CYP4F8: variants seen among roughly 807,000 people sequenced by gnomAD.
CYP4F8 encodes the protein cytochrome P450 family 4 subfamily F member 8, also known as cytochrome P450 4F8.
CYP4F8 carries 56 observed loss-of-function variants against 55.0 expected under a neutral mutation model. That is an observed-to-expected ratio of 1.02 (90% CI 0.82 to 1.27). The LOEUF is 1.27. Ranked by LOEUF, CYP4F8 falls within the 50% of genes most tolerant of loss-of-function variation. CYP4F8 has a pLI of 0.00. For synonymous variants in CYP4F8, 288 were observed against 267.3 expected (o/e 1.08, Z -0.76); for missense variants, 680 against 682.4 (o/e 1.00, Z 0.04).
chr19:15,620,547 T>G (rs1171531773), intron 5 of CYP4F8, among the ~76,000 whole-genome samples: 1 of 152,092 alleles, frequency 6.6e-6, no homozygotes, highest in African/African-American at 2.4e-5. Flanking sequence ...CCCACCACCA[T>G]GCCCAACTAA....
At chr19:15,617,890 C>T in intron 2 of CYP4F8, 110 bp from the exon 3 acceptor site, 8 of 1,367,540 alleles carry the variant, frequency 5.8e-6, no homozygotes, top group Non-Finnish European at 7.9e-6. Context: ...CTAATCTCTC[C>T]TGAAACACTC....
intron 1 of CYP4F8, 143 bp from the exon 2 acceptor site, chr19:15,615,473 C>A: frequency 1.1e-6 from 1 of 900,540 alleles, no homozygotes; most frequent in East Asian, 2.9e-5. Context: ...CTTCTCCTCT[C>A]CCCTCTCCCT....
intron 12 of CYP4F8, 81 bp from the exon 13 acceptor site, chr19:15,629,112 G>C (rs1043546887): frequency 6.7e-7 from 1 of 1,490,986 alleles, no homozygotes; most frequent in African/African-American, 1.4e-5. Flanking sequence ...GTGGGGTTGG[G>C]GGTTCCGGGC....
At chr19:15,616,986 G>A (rs558587467) in intron 2 of CYP4F8, among the ~76,000 whole-genome samples, 272 of 152,296 alleles carry the variant, frequency 1.8e-3, no homozygotes, top group African/African-American at 6.3e-3. Context: ...GACAGTTAGA[G>A]CCACCTCTTC....
chr19:15,620,538 C>A (rs1035843839), intron 5 of CYP4F8, among the ~76,000 whole-genome samples: 1 of 152,072 alleles, frequency 6.6e-6, no homozygotes, highest in Non-Finnish European at 1.5e-5. Flanking sequence ...TTACAGGCGC[C>A]CACCACCATG....
intron 9 of CYP4F8, 40 bp downstream of exon 9, chr19:15,624,134 T>A: frequency 6.2e-7 from 1 of 1,602,948 alleles, no homozygotes; most frequent in Non-Finnish European, 8.5e-7. Flanking sequence ...TCTGCCTTTC[T>A]GAGTCCTTCT....
chr19:15,623,292 A>C lies in CYP4F8; in HGVS notation c.835A>C (p.Thr279Pro). 6.2e-7 allele frequency: 1 copy of C among 1,613,904 alleles called. No homozygotes were observed. The change falls in exon 7 of 13, where the codon ACT becomes CCT. Residue 279 changes from threonine (T) to proline (P), a missense_variant. Coordinates refer to ENST00000612078, the MANE Select transcript of CYP4F8 (RefSeq NM_007253.4). ...CATCCAGGAGCGGCGCCGCACCCTCACTAGCCAGGGTGTTGATGACTTCCT... is the reference window on the plus strand; with the variant it reads ...CATCCAGGAGCGGCGCCGCACCCTCCCTAGCCAGGGTGTTGATGACTTCCT... ...AVIQERRRTL[T>P]SQGVDDFLQA... is the part of the protein sequence containing the mutation.
chr19:15,627,147 G>T (rs1337222002), intron 9 of CYP4F8: 8 of 152,046 alleles, frequency 5.3e-5, no homozygotes, highest in Admixed American at 5.2e-4. Flanking sequence ...CTGGAAGCTT[G>T]GGTTCTCCTT....
At chr19:15,615,979 CTCTCCTCACTCACTCAT>C (rs1972112133) in intron 2 of CYP4F8, among the ~76,000 whole-genome samples, 165 bp downstream of exon 2, 3 of 151,118 alleles carry the variant, frequency 2.0e-5, no homozygotes, top group Non-Finnish European at 4.4e-5. Context: ...TCACTCATTC[CTCTCCTCACTCACTCAT>C]TCTCCTCACT....
chr19:15,629,295 G>T lies in CYP4F8; in HGVS notation c.1500G>T (p.Arg500Ser), dbSNP rs759113753. The change falls in exon 13 of 13, where the codon AGG (arginine) becomes AGT (serine). Residue 500 changes from arginine to serine, a missense_variant. By Grantham distance (110) the Arg-to-Ser change is moderately radical. Coordinates refer to ENST00000612078, the MANE Select transcript of CYP4F8 (RefSeq NM_007253.4). The part of the protein sequence containing the change: ...RILPDHREPR[R>S]TPEIVLRAED... ...TGCCCGACCACAGGGAGCCACGCAGGACGCCGGAGATTGTTTTGCGTGCGG... is the reference window on the plus strand; with the variant it reads ...TGCCCGACCACAGGGAGCCACGCAGTACGCCGGAGATTGTTTTGCGTGCGG... 3 of 1,613,224 alleles carry T rather than the reference G, an allele frequency of 1.9e-6. No individual in the cohort carries two copies. Among genetic ancestry groups the T allele is most frequent in the African/African-American group, 1.3e-5 (1 of 75,024 alleles).
intron 2 of CYP4F8, among the ~76,000 whole-genome samples, chr19:15,616,971 TGACA>T (rs1972130654): frequency 2.0e-5 from 3 of 152,170 alleles, no homozygotes; most frequent in Non-Finnish European, 4.4e-5. Context: ...CTGTTCTTCC[TGACA>T]GACAGTTAGA....
At chr19:15,619,346 T>G in intron 3 of CYP4F8, 144 bp from the exon 4 acceptor site, 6 of 849,124 alleles carry the variant, frequency 7.1e-6, no homozygotes, top group South Asian at 1.8e-5. Flanking sequence ...CCCACCCTCC[T>G]TTCTTCTTCT....
chr19:15,622,364 G>T, intron 6 of CYP4F8, 24 bp downstream of exon 6: 1 of 1,189,710 alleles, frequency 8.4e-7, no homozygotes, highest in Non-Finnish European at 1.2e-6. Flanking sequence ...CAGGGCCTGG[G>T]AACATGGGAT....
At chr19:15,624,441 T>C (rs1246718519) in intron 9 of CYP4F8, among the ~76,000 whole-genome samples, 1 of 152,172 alleles carries the variant, frequency 6.6e-6, no homozygotes. Flanking sequence ...CGCAATGACT[T>C]TTGGACCAAT....
chr19:15,617,478 A>G (rs1972137084), intron 2 of CYP4F8, among the ~76,000 whole-genome samples: 1 of 146,550 alleles, frequency 6.8e-6, no homozygotes. Flanking sequence ...GGATATCAAT[A>G]TCTACATCTA....
rs754898548 is a variant in CYP4F8, at chr19:15,622,282, C to T, written c.589C>T (p.Leu197Phe). The T allele has an allele frequency of 6.2e-7, 1 of 1,610,148 alleles. No homozygotes were observed. The highest frequency in any genetic ancestry group is 8.5e-7 in the Non-Finnish European group (1 of 1,177,954). Residue 197 changes from leucine to phenylalanine, a missense_variant, in exon 6 of 13, where the codon CTT (leucine) becomes TTT (phenylalanine). Coordinates refer to ENST00000612078, the MANE Select transcript of CYP4F8 (RefSeq NM_007253.4). ...TCLDVFEHIS[L>F]MTLDSLQKCI... Reference sequence around the variant, plus strand: ...TCTGGATGTGTTTGAGCACATCAGCCTTATGACCCTGGACAGTCTGCAGAA... The same window carrying T: ...TCTGGATGTGTTTGAGCACATCAGCTTTATGACCCTGGACAGTCTGCAGAA...
Position 15,623,367 on chromosome 19 carries a change from C to A in CYP4F8, c.910C>A (p.Leu304Met), listed in dbSNP as rs1568383823. Residue 304 changes from leucine to methionine, a missense_variant, in exon 7 of 13, where the codon CTG becomes ATG. Transcript: ENST00000612078. ...KTLDFIDVLLLSEDKNGKELS... is the reference protein window; with the variant it reads ...KTLDFIDVLLMSEDKNGKELS... ...TTTGGACTTTATTGATGTGCTCCTG[C>A]TGAGCGAGGTGGGCCTCTCTGGGAT... 1 of 1,613,392 alleles carries A rather than the reference C, an allele frequency of 6.2e-7. No individual in the cohort carries two copies. The highest frequency in any genetic ancestry group is 8.5e-7 in the Non-Finnish European group (1 of 1,179,442).
At chr19:15,615,549 G>T (rs4646522) in intron 1 of CYP4F8, 67 bp from the exon 2 acceptor site, 742,272 of 1,533,878 alleles carry the variant, frequency 0.48, 180,890 homozygotes, top group Non-Finnish European at 0.49. Context: ...CCCATCATTG[G>T]TCCTGGAGCT....
intron 9 of CYP4F8, among the ~76,000 whole-genome samples, chr19:15,625,894 CTTG>C (rs1336302444): frequency 6.6e-6 from 1 of 152,090 alleles, no homozygotes; most frequent in Non-Finnish European, 1.5e-5. Flanking sequence ...ATCTGTAAAA[CTTG>C]TTGTTGGGGT....
Sources: allele counts gnomAD v4.1 joint callset (sites outside exome capture counted in the v4.1 genomes callset), GRCh38; gene constraint gnomAD v4.1.1; transcripts MANE v1.5; gene names NCBI Gene and HGNC (gene_info 2026-07-23, HGNC 2026-07-21).